PCNX2: variants seen among roughly 807,000 people sequenced by gnomAD.
PCNX2 encodes the protein pecanex 2, also known as pecanex-like protein 2.
Under a neutral mutation model 223.8 loss-of-function variants are expected in PCNX2, and 168 were observed. The observed-to-expected ratio is 0.75, with a 90% CI of 0.66 to 0.85. PCNX2 has a LOEUF of 0.85. Ranked by LOEUF, PCNX2 falls within the 40% of genes least tolerant of loss-of-function variation. The probability of loss-of-function intolerance (pLI) is 0.00; values close to 1 mark genes in which losing one functional copy is unlikely to be tolerated. For synonymous variants in PCNX2, 1,006 were observed against 1,052.6 expected (o/e 0.96, Z 0.86); for missense variants, 2,507 against 2,675.5 (o/e 0.94, Z 1.39).
chr1:233,271,141 A>T lies in PCNX2; in HGVS notation c.154-7978T>A, dbSNP rs149587022. 5.3e-4 allele frequency among the ~76,000 whole-genome samples: 80 copies of T among 152,352 alleles called. No individual in the cohort carries two copies. The East Asian group carries it at 0.015, about 28-fold the overall frequency. ...CAGAATGAATCAATAAGTTTATACAAGACAAAGTTATGTCAACTTCAATGC... is the reference window on the plus strand; with the variant it reads ...CAGAATGAATCAATAAGTTTATACATGACAAAGTTATGTCAACTTCAATGC... On this transcript the variant is annotated intron_variant, in intron 1 of 33. Transcript: ENST00000258229.
rs1671268839 is a variant in PCNX2, at chr1:233,031,672, C to T, written c.4352-6273G>A. On this transcript the variant is annotated intron_variant, in intron 25 of 33. Coordinates refer to ENST00000258229, the MANE Select transcript of PCNX2 (RefSeq NM_014801.4). ...GAGTCCAGGTCAGGAAGGGGAAAAG[C>T]CCAGCCGGCTGCATTCATAAAAAGG... 12 of 901,216 alleles carry T rather than the reference C, an allele frequency of 1.3e-5. 1 individual carries two copies. In the East Asian group the frequency reaches 4.8e-4, roughly 36 times the overall value. The allele number at this position is 901,216 out of a possible 1,614,324, so 55.8% of individuals were successfully genotyped here.
Position 233,057,239 on chromosome 1 carries a change from T to C in PCNX2, c.4128A>G (p.Arg1376=). The part of the protein sequence containing the change: ...SNTRLAVQIE[R]DPGNDDNNLN... Reference sequence around the variant, plus strand: ...GAGAAGAGATCTTCTTACCTGGATCTCTTTCAATTTGGACTGCCAGTCTTG... The same window carrying C: ...GAGAAGAGATCTTCTTACCTGGATCCCTTTCAATTTGGACTGCCAGTCTTG... Residue 1376 remains arginine, a synonymous_variant, in exon 24 of 34, where the codon AGA becomes AGG. Coordinates refer to ENST00000258229, the MANE Select transcript of PCNX2 (RefSeq NM_014801.4). The C allele has an allele frequency of 1.9e-6, 3 of 1,603,956 alleles. No individual in the cohort carries two copies. The highest frequency in any genetic ancestry group is 2.6e-6 in the Non-Finnish European group (3 of 1,172,306).
chr1:233,182,414 G>A (rs967328216), intron 15 of PCNX2, among the ~76,000 whole-genome samples: 1 of 152,038 alleles, frequency 6.6e-6, no homozygotes, highest in South Asian at 2.1e-4. Context: ...TCCTAATGGG[G>A]ACTCACCCTT....
intron 13 of PCNX2, among the ~76,000 whole-genome samples, chr1:233,204,265 G>T (rs1424884646): frequency 1.3e-5 from 2 of 152,130 alleles, no homozygotes; most frequent in Admixed American, 6.5e-5. Flanking sequence ...ACAAGCCAAG[G>T]AGAACGGCCT....
At position 233,208,617 on chromosome 1, in the gene PCNX2, C is replaced by G. The variant is rs751109436; in HGVS notation, c.2764G>C (p.Asp922His). The change falls in exon 13 of 34, where the codon GAT becomes CAT. Residue 922 changes from aspartate to histidine, a missense_variant. By Grantham distance (81) the Asp-to-His change is moderately conservative (BLOSUM62 -1). Coordinates refer to ENST00000258229, the MANE Select transcript of PCNX2 (RefSeq NM_014801.4). The part of the protein sequence containing the change: ...CVLCGLILLL[D>H]TGAKARHPPS... ...GGGTGCCTGGCTTTGGCCCCTGTAT[C>G]AAGAAGCAAAATAAGGCCACACAGC... 6.2e-7 allele frequency: 1 copy of G among 1,613,632 alleles called. No homozygotes were observed. The highest frequency in any genetic ancestry group is 8.5e-7 in the Non-Finnish European group (1 of 1,179,832).
At chr1:233,059,009 A>G (rs1031327893) in intron 23 of PCNX2, among the ~76,000 whole-genome samples, 1 of 151,918 alleles carries the variant, frequency 6.6e-6, no homozygotes, top group Non-Finnish European at 1.5e-5. Flanking sequence ...CTTTGCTCCA[A>G]GCCTGTTGGT....
intron 1 of PCNX2, among the ~76,000 whole-genome samples, chr1:233,275,802 T>A (rs1259582121): frequency 6.6e-6 from 1 of 151,590 alleles, no homozygotes; most frequent in African/African-American, 2.4e-5. Context: ...GAGGCCGAGG[T>A]GGGCGGATCA....
In PCNX2 at chr1:233,101,099, T is replaced by C. The variant is rs529466115; in HGVS notation, c.3838-5236A>G. 2.0e-5 allele frequency among the ~76,000 whole-genome samples: 3 copies of C among 152,102 alleles called. No homozygotes were observed. The East Asian group carries it at 5.8e-4, about 29-fold the overall frequency. On this transcript the variant is annotated intron_variant, in intron 21 of 33. Coordinates refer to ENST00000258229, the MANE Select transcript of PCNX2 (RefSeq NM_014801.4). Reference sequence around the variant, plus strand: ...AAGGAGCAGACAAGATGAGAAGAAATTTGGAGGTTCACAGGGAACCACGTT... The same window carrying C: ...AAGGAGCAGACAAGATGAGAAGAAACTTGGAGGTTCACAGGGAACCACGTT...
chr1:232,989,860 G>A (rs545530489), intron 32 of PCNX2, among the ~76,000 whole-genome samples: 2 of 152,356 alleles, frequency 1.3e-5, no homozygotes, highest in African/African-American at 4.8e-5. Flanking sequence ...ATAGGCAAGC[G>A]CCTGTAGATG....
chr1:233,064,017 C>T (rs781570343), intron 23 of PCNX2, among the ~76,000 whole-genome samples: 2 of 150,546 alleles, frequency 1.3e-5, no homozygotes, highest in Non-Finnish European at 3.0e-5. Context: ...AGTTTTATTT[C>T]TTCTTATACA....
At chr1:233,097,415 A>C (rs184355712) in intron 21 of PCNX2, among the ~76,000 whole-genome samples, 2 of 152,236 alleles carry the variant, frequency 1.3e-5, no homozygotes, top group Admixed American at 1.3e-4. Context: ...AGCTATAAGG[A>C]AATATCAATT....
At chr1:233,087,616 T>G (rs1673669704) in intron 23 of PCNX2, among the ~76,000 whole-genome samples, 1 of 152,200 alleles carries the variant, frequency 6.6e-6, no homozygotes, top group Non-Finnish European at 1.5e-5. Context: ...AGATGAGATT[T>G]CCTGTCACTT....
At chr1:233,164,404 GA>G (rs1678670680) in intron 17 of PCNX2, among the ~76,000 whole-genome samples, 1 of 151,952 alleles carries the variant, frequency 6.6e-6, no homozygotes, top group African/African-American at 2.4e-5. Context: ...ATTGAAAACG[GA>G]ACTACCATAT....
intron 23 of PCNX2, among the ~76,000 whole-genome samples, chr1:233,063,814 A>G (rs1402181286): frequency 1.3e-5 from 2 of 152,104 alleles, no homozygotes; most frequent in African/African-American, 4.8e-5. Context: ...CCTCCCTGGA[A>G]TATTTCCCAT....
At chr1:233,156,046 G>A (rs1483384986) in intron 19 of PCNX2, among the ~76,000 whole-genome samples, 1 of 152,136 alleles carries the variant, frequency 6.6e-6, no homozygotes, top group Non-Finnish European at 1.5e-5. Context: ...TGACCATCAT[G>A]ATTCATCTGA....
At chr1:233,034,373 G>T (rs1325979726) in intron 25 of PCNX2, among the ~76,000 whole-genome samples, 1 of 152,258 alleles carries the variant, frequency 6.6e-6, no homozygotes, top group African/African-American at 2.4e-5. Context: ...ATGGCTGTCT[G>T]CAGACCAGGA....
At chr1:233,176,044 C>T (rs1198951449) in intron 17 of PCNX2, among the ~76,000 whole-genome samples, 1 of 152,190 alleles carries the variant, frequency 6.6e-6, no homozygotes, top group East Asian at 1.9e-4. Flanking sequence ...GATATCAAGA[C>T]AAATGAGACA....
intron 25 of PCNX2, among the ~76,000 whole-genome samples, chr1:233,049,862 G>GACACAC (rs59343612): frequency 6.7e-6 from 1 of 149,192 alleles, no homozygotes; most frequent in East Asian, 2.0e-4. Flanking sequence ...ATTTACAATA[G>GACACAC]ACACACACAC....
rs748895573 is a variant in PCNX2, at chr1:233,000,359, G to A, written c.5274C>T (p.Asp1758=). 2.0e-5 allele frequency: 32 copies of A among 1,613,666 alleles called. No homozygotes were observed. The highest frequency in any genetic ancestry group is 1.1e-4 in the African/African-American group (8 of 74,910). ...TLRHVVDEGA[D]EYKVIMLHRS... Reference sequence around the variant, plus strand: ...TGTGGAGCATGATGACCTTGTACTCGTCGGCACCCTCGTCCACCACGTGCC... The same window carrying A: ...TGTGGAGCATGATGACCTTGTACTCATCGGCACCCTCGTCCACCACGTGCC... Residue 1758 remains aspartate, a synonymous_variant, in exon 30 of 34, where the codon GAC becomes GAT. Transcript: ENST00000258229. The surrounding 1 kb of genome is among the most constrained non-coding windows in gnomAD (Gnocchi z 4.6).
Sources: allele counts gnomAD v4.1 joint callset (sites outside exome capture counted in the v4.1 genomes callset), GRCh38; gene constraint gnomAD v4.1.1; non-coding constraint Gnocchi (gnomAD v3.1); transcripts MANE v1.5; gene names NCBI Gene and HGNC (gene_info 2026-07-23, HGNC 2026-07-21).